Variants in ABLIM3 observed in about 807,000 individuals in gnomAD.
ABLIM3 encodes actin binding LIM protein family member 3.
ABLIM3 carries 61 observed loss-of-function variants against 109.5 expected under a neutral mutation model. That is an observed-to-expected ratio of 0.56 (90% CI 0.45 to 0.69). The LOEUF (loss-of-function observed/expected upper bound fraction) is 0.69, where lower values mean the gene tolerates loss of function less well. Ranked by LOEUF, ABLIM3 falls within the 30% of genes least tolerant of loss-of-function variation. The pLI is 0.00. For missense variants in ABLIM3, 796 were observed against 889.5 expected, an observed-to-expected ratio of 0.89 and a Z score of 1.34; for synonymous variants, 300 against 324.8, an observed-to-expected ratio of 0.92 and a Z score of 0.82.
chr5:149,170,248 C>CTG (rs1208741793), intron 2 of ABLIM3, among the ~76,000 whole-genome samples: 1 of 151,332 alleles, frequency 6.6e-6, no homozygotes, highest in Non-Finnish European at 1.5e-5. Context: ...CTCTCTCTCT[C>CTG]TCTCTCTCTC....
intron 18 of ABLIM3, among the ~76,000 whole-genome samples, chr5:149,248,418 G>A (rs978756551): frequency 2.1e-4 from 32 of 152,230 alleles, no homozygotes; most frequent in African/African-American, 6.7e-4. Context: ...TTGGCTGGGC[G>A]CAGTGGCTCA....
chr5:149,244,911 C>A lies in ABLIM3; in HGVS notation c.1382C>A (p.Thr461Lys). 1 of 1,614,174 alleles carries A rather than the reference C, an allele frequency of 6.2e-7. No individual in the cohort carries two copies. The highest frequency in any genetic ancestry group is 8.5e-7 in the Non-Finnish European group (1 of 1,180,034). The stretch of plus-strand genomic sequence containing the variant: ...TTGTCTACAGCAACCAAGAGCAAAA[C>A]AAGTGAAGACATCAGCCAGACCTCC... ...GDLSTATKSK[T>K]SEDISQTSKY... The change falls in exon 16 of 24, where the codon ACA becomes AAA. Residue 461 changes from threonine (T) to lysine (K), a missense_variant. Thr to Lys is a moderately conservative substitution (Grantham distance 78, BLOSUM62 -1). Transcript: ENST00000309868.
chr5:149,229,403 A>C (rs1474924114), intron 8 of ABLIM3, among the ~76,000 whole-genome samples: 2 of 152,198 alleles, frequency 1.3e-5, no homozygotes, highest in African/African-American at 4.8e-5. Flanking sequence ...AGGCCACCCA[A>C]ATCCCACCTT....
chr5:149,173,804 G>A (rs888800040), intron 2 of ABLIM3, among the ~76,000 whole-genome samples: 7 of 152,026 alleles, frequency 4.6e-5, no homozygotes, highest in Admixed American at 1.3e-4. Context: ...GGTGGATCAC[G>A]AGGTCAGGAG....
At chr5:149,160,346 C>T (rs1352167943) in intron 2 of ABLIM3, among the ~76,000 whole-genome samples, 4 of 151,884 alleles carry the variant, frequency 2.6e-5, no homozygotes, top group African/African-American at 9.7e-5. Flanking sequence ...GTAATCACAG[C>T]TACTCAAGAG....
intron 8 of ABLIM3, among the ~76,000 whole-genome samples, chr5:149,225,655 C>A (rs1452426875): frequency 6.6e-6 from 1 of 152,078 alleles, no homozygotes; most frequent in African/African-American, 2.4e-5. Context: ...CACCCATCAC[C>A]TGAGTGGTAT....
chr5:149,150,903 G>C (rs1270230280), intron 2 of ABLIM3, among the ~76,000 whole-genome samples: 1 of 151,756 alleles, frequency 6.6e-6, no homozygotes, highest in East Asian at 1.9e-4. Context: ...TAATTACAAG[G>C]AGGCAAATAA....
intron 2 of ABLIM3, among the ~76,000 whole-genome samples, chr5:149,176,369 G>A (rs1755929674): frequency 6.6e-6 from 1 of 152,204 alleles, no homozygotes; most frequent in Non-Finnish European, 1.5e-5. Flanking sequence ...ACTAGGTAAT[G>A]GATGACTACT....
At position 149,258,969 on chromosome 5, in the gene ABLIM3, G is replaced by A; in HGVS notation, c.*565G>A. ...AGCCTCAAATCTAGTCATTACACCA[G>A]TCAACAGAAGTGGACAGGGCCTAGG... On this transcript the variant is annotated 3_prime_UTR_variant, in exon 24 of 24. Transcript: ENST00000309868. 2.0e-6 allele frequency: 2 copies of A among 991,160 alleles called. No individual in the cohort carries two copies. Among genetic ancestry groups the A allele is most frequent in the Non-Finnish European group, 2.4e-6 (2 of 833,586 alleles). 61.4% of individuals were successfully genotyped at this position (991,160 alleles called of 1,614,324 possible).
rs867501685 is a variant in ABLIM3 at position 149,198,452 on chromosome 5, G to A, written c.335+50G>A. 1.2e-5 allele frequency: 19 copies of A among 1,530,358 alleles called. No homozygotes were observed. The highest frequency in any genetic ancestry group is 1.2e-4 in the South Asian group (9 of 76,480). 94.8% of individuals were successfully genotyped at this position (1,530,358 alleles called of 1,614,324 possible). On this transcript the variant is annotated intron_variant, in intron 4 of 23. Transcript: ENST00000309868. The surrounding 1 kb of genome is among the most constrained non-coding windows in gnomAD (Gnocchi z 4.2). ...GGGACCCTCTGCATAAGCCCCCGGG[G>A]CAGGGGAAGACCTGGCTTTTTCCAG...
At chr5:149,176,420 C>T (rs1755935586) in intron 2 of ABLIM3, among the ~76,000 whole-genome samples, 1 of 152,226 alleles carries the variant, frequency 6.6e-6, no homozygotes, top group Non-Finnish European at 1.5e-5. Flanking sequence ...CTGCTTCCCA[C>T]TTCCTCCCCA....
chr5:149,247,336 C>T (rs2127567889), intron 17 of ABLIM3, among the ~76,000 whole-genome samples: 1 of 152,104 alleles, frequency 6.6e-6, no homozygotes, highest in African/African-American at 2.4e-5. Context: ...TATGGGATCT[C>T]CTTTGGGGGA....
chr5:149,183,705 C>T, intron 3 of ABLIM3, 116 bp downstream of exon 3: 1 of 1,200,800 alleles, frequency 8.3e-7, no homozygotes, highest in East Asian at 3.1e-5. Flanking sequence ...CTATAAAGAC[C>T]TAAAGAGACT....
At chr5:149,257,166 C>T (rs564656384) in intron 23 of ABLIM3, among the ~76,000 whole-genome samples, 4 of 152,202 alleles carry the variant, frequency 2.6e-5, no homozygotes, top group Admixed American at 6.5e-5. Flanking sequence ...ATTAGCCCAA[C>T]GTGATTGTGT....
chr5:149,152,059 G>A (rs1753483628), intron 2 of ABLIM3, among the ~76,000 whole-genome samples: 1 of 152,174 alleles, frequency 6.6e-6, no homozygotes, highest in Non-Finnish European at 1.5e-5. Flanking sequence ...CCAACAATGG[G>A]AAATTGGGAA....
chr5:149,148,096 T>C (rs1753093779), intron 2 of ABLIM3, among the ~76,000 whole-genome samples: 1 of 152,206 alleles, frequency 6.6e-6, no homozygotes, highest in African/African-American at 2.4e-5. Flanking sequence ...TGAGGAGATG[T>C]TTTATAAACA....
At position 149,210,708 on chromosome 5, in the gene ABLIM3, G is replaced by A. The variant is rs368920117; in HGVS notation, c.576-18G>A. The stretch of plus-strand genomic sequence containing the variant: ...ATCCTCCCTAACTTCCTCATCCTAT[G>A]TGAACTTCTTCTTGCAGGGATGGTG... On this transcript the variant is annotated intron_variant, in intron 6 of 23. Coordinates refer to ENST00000309868, the MANE Select transcript of ABLIM3 (RefSeq NM_014945.5). 3.4e-4 allele frequency: 548 copies of A among 1,611,576 alleles called. No homozygotes were observed. Among genetic ancestry groups the A allele is most frequent in the Non-Finnish European group, 4.4e-4 (517 of 1,177,896 alleles).
intron 3 of ABLIM3, among the ~76,000 whole-genome samples, chr5:149,190,303 A>T (rs1052494863): frequency 6.6e-6 from 1 of 152,242 alleles, no homozygotes; most frequent in Non-Finnish European, 1.5e-5. Context: ...TGATTGCACA[A>T]CTTTGTGAAT....
At chr5:149,241,499 G>A (rs1373394553) in intron 14 of ABLIM3, among the ~76,000 whole-genome samples, 2 of 152,192 alleles carry the variant, frequency 1.3e-5, no homozygotes, top group Non-Finnish European at 2.9e-5. Context: ...GGTCGCTCAC[G>A]CCTGTAATCC....
Sources: gnomAD v4.1 joint callset for allele counts (sites outside exome capture counted in the v4.1 genomes callset) on GRCh38, gnomAD v4.1.1 for gene constraint, Gnocchi (gnomAD v3.1) non-coding constraint, MANE v1.5 for transcripts, NCBI Gene and HGNC (gene_info 2026-07-23, HGNC 2026-07-21) for gene names.